BCAS1: variants seen among roughly 807,000 people sequenced by gnomAD.
BCAS1 encodes the protein brain enriched myelin associated protein 1, also known as breast carcinoma-amplified sequence 1.
A neutral mutation model predicts 65.4 loss-of-function variants in BCAS1; 46 were observed. The ratio of observed to expected loss-of-function variants is 0.70; its 90% CI spans 0.55 to 0.90. The LOEUF is 0.90. BCAS1 is among the 40% of genes least tolerant of loss of function. The pLI is 0.00. For synonymous variants in BCAS1, 298 were observed against 293.5 expected, an observed-to-expected ratio of 1.02 and a Z score of -0.16; for missense variants, 793 against 771.2, an observed-to-expected ratio of 1.03 and a Z score of -0.33.
At chr20:53,996,142 C>T in intron 4 of BCAS1, 92 bp from the exon 5 acceptor site, 12 of 1,349,554 alleles carry the variant, frequency 8.9e-6, no homozygotes, top group Non-Finnish European at 1.2e-5. Context: ...CTCTTACCCC[C>T]TAATTCCAGC....
At chr20:54,057,958 G>C (rs201912084) in intron 3 of BCAS1, 127 bp downstream of exon 3, 17 of 728,870 alleles carry the variant, frequency 2.3e-5, no homozygotes, top group East Asian at 1.1e-4. Flanking sequence ...AGGAACAAAC[G>C]CAAGTATTTT....
intron 3 of BCAS1, among the ~76,000 whole-genome samples, chr20:54,039,226 C>T (rs567493118): frequency 5.9e-5 from 9 of 151,516 alleles, no homozygotes; most frequent in South Asian, 4.2e-4. Context: ...TGGAGGAAGA[C>T]GTTAGATTAG....
Position 54,045,667 on chromosome 20 carries a change from A to C in BCAS1, c.142+12418T>G, listed in dbSNP as rs553916333. Among the ~76,000 whole-genome samples, 9 of 152,376 alleles carry C rather than the reference A, an allele frequency of 5.9e-5. 1 individual carries two copies. In the East Asian group the frequency reaches 1.7e-3, roughly 29 times the overall value. On this transcript the variant is annotated intron_variant, in intron 3 of 12. Coordinates refer to ENST00000688948, the MANE Select transcript of BCAS1 (RefSeq NM_001366298.2). ...CTCAACCAATCAGAAACAGTCAACA[A>C]ACTTAAAATTATATAACTGGGTACC...
At chr20:54,042,273 G>GA (rs138968533) in intron 3 of BCAS1, among the ~76,000 whole-genome samples, 8,570 of 152,036 alleles carry the variant, frequency 0.056, 392 homozygotes, top group African/African-American at 0.13. Context: ...AAGTCGATCA[G>GA]AAAAAATAAC....
chr20:54,057,757 G>A (rs2092316904), intron 3 of BCAS1, among the ~76,000 whole-genome samples: 1 of 149,326 alleles, frequency 6.7e-6, no homozygotes, highest in Non-Finnish European at 1.5e-5. Context: ...ATGCATAGAG[G>A]GAAGATGACA....
At chr20:54,058,265 T>C in intron 2 of BCAS1, 111 bp from the exon 3 acceptor site, 1 of 992,160 alleles carries the variant, frequency 1.0e-6, no homozygotes. Flanking sequence ...AAACTTAACT[T>C]AAAGGCTGTG....
intron 10 of BCAS1, among the ~76,000 whole-genome samples, chr20:53,957,992 G>C (rs1027819387): frequency 2.0e-5 from 3 of 152,002 alleles, no homozygotes; most frequent in African/African-American, 7.3e-5. Flanking sequence ...GGATAAAAGG[G>C]GTTGGACTTG....
At chr20:54,069,678 G>A (rs893628586) in intron 1 of BCAS1, among the ~76,000 whole-genome samples, 1 of 152,184 alleles carries the variant, frequency 6.6e-6, no homozygotes, top group African/African-American at 2.4e-5. Flanking sequence ...GTATTTACGG[G>A]CAGTAGAGTC....
chr20:54,021,875 T>C (rs1747993322), intron 4 of BCAS1, among the ~76,000 whole-genome samples: 1 of 152,104 alleles, frequency 6.6e-6, no homozygotes, highest in Admixed American at 6.5e-5. Context: ...CCCGGGCTCC[T>C]GCACATCCTG....
At chr20:54,054,118 T>G (rs185751575) in intron 3 of BCAS1, among the ~76,000 whole-genome samples, 304 of 152,268 alleles carry the variant, frequency 2.0e-3, no homozygotes, top group Middle Eastern at 3.4e-3. Context: ...CTCGTGAGAC[T>G]TATTCACTAT....
intron 8 of BCAS1, among the ~76,000 whole-genome samples, chr20:53,979,785 A>T (rs1275730195): frequency 6.6e-6 from 1 of 152,184 alleles, no homozygotes; most frequent in Non-Finnish European, 1.5e-5. Flanking sequence ...AAAATTGCTG[A>T]TATTTATTTT....
chr20:54,048,199 TGA>T (rs1395094974), intron 3 of BCAS1, among the ~76,000 whole-genome samples: 6 of 152,140 alleles, frequency 3.9e-5, no homozygotes, highest in Admixed American at 2.6e-4. Context: ...GTTTAGGATG[TGA>T]GTTAGATCTC....
intron 4 of BCAS1, among the ~76,000 whole-genome samples, chr20:54,014,698 C>T (rs544417625): frequency 2.6e-5 from 4 of 152,192 alleles, no homozygotes; most frequent in African/African-American, 9.7e-5. Context: ...TGACTCCACT[C>T]CTTTCCATCT....
At chr20:53,961,941 C>T (rs2089890160) in intron 10 of BCAS1, among the ~76,000 whole-genome samples, 2 of 152,146 alleles carry the variant, frequency 1.3e-5, no homozygotes, top group Admixed American at 6.5e-5. Context: ...TGAGATACTG[C>T]GTGCAAAGTG....
intron 12 of BCAS1, among the ~76,000 whole-genome samples, chr20:53,951,051 A>G (rs1430521254): frequency 6.6e-6 from 1 of 152,208 alleles, no homozygotes; most frequent in Non-Finnish European, 1.5e-5. Flanking sequence ...TTTCCATACC[A>G]TCTTTCTTTT....
rs200881014 is a variant in BCAS1, at chr20:53,945,414, T to A, written c.1816-418A>T. ...CTGTTTTATTTTCTTCTTTTTTTTT[T>A]ATTATACTTTTAAGTTCTAGGGTAC... On this transcript the variant is annotated intron_variant, in intron 12 of 12. Transcript: ENST00000688948. 5.8e-4 allele frequency among the ~76,000 whole-genome samples: 88 copies of A among 151,228 alleles called. 2 individuals are homozygous for A. Among genetic ancestry groups the A allele is most frequent in the Admixed American group, 3.7e-3 (56 of 15,214 alleles).
Position 54,028,467 on chromosome 20 carries a change from C to T in BCAS1, c.648G>A (p.Lys216=). The change falls in exon 4 of 13, where the codon AAG becomes AAA. Residue 216 remains lysine, a synonymous_variant. Transcript: ENST00000688948. Reference sequence around the variant, plus strand: ...CCACCTTGTCTTGATGCTCTGCCCTCTTGGCTTCCTGTTGGCTGTCACCTG... The same window carrying T: ...CCACCTTGTCTTGATGCTCTGCCCTTTTGGCTTCCTGTTGGCTGTCACCTG... ...KVPGDSQQEA[K]RAEHQDKVDE... 6.2e-6 allele frequency: 10 copies of T among 1,614,246 alleles called. No individual in the cohort carries two copies. The highest frequency in any genetic ancestry group is 8.5e-6 in the Non-Finnish European group (10 of 1,180,046).
chr20:53,979,850 A>G (rs2299730), intron 8 of BCAS1, among the ~76,000 whole-genome samples: 52,899 of 152,092 alleles, frequency 0.35, 10,157 homozygotes, highest in African/African-American at 0.49. Flanking sequence ...TCAATTAGCA[A>G]CAGCAATTTT....
chr20:54,007,263 A>C (rs1288897078), intron 4 of BCAS1, among the ~76,000 whole-genome samples: 3 of 152,222 alleles, frequency 2.0e-5, no homozygotes, highest in Non-Finnish European at 4.4e-5. Context: ...CTAGACATAC[A>C]GGGGATATCT....
Sources: gnomAD v4.1 joint callset for allele counts (sites outside exome capture counted in the v4.1 genomes callset) on GRCh38, gnomAD v4.1.1 for gene constraint, MANE v1.5 for transcripts, NCBI Gene and HGNC (gene_info 2026-07-23, HGNC 2026-07-21) for gene names.